The following AGBL4 variants were observed in gnomAD, a reference collection of about 807,000 sequenced individuals.
The protein encoded by AGBL4 is AGBL carboxypeptidase 4.
In AGBL4, 58 loss-of-function variants were observed where a neutral mutation model predicts 66.4. The ratio of observed to expected loss-of-function variants is 0.87; its 90% confidence interval spans 0.71 to 1.09. The LOEUF (loss-of-function observed/expected upper bound fraction) is 1.09, where lower values mean the gene tolerates loss of function less well. AGBL4 is among the 50% of genes least tolerant of loss of function. The pLI is 0.00. For synonymous variants in AGBL4, 234 were observed against 222.9 expected (o/e 1.05, Z -0.44); for missense variants, 579 against 631.0 (o/e 0.92, Z 0.88).
At chr1:49,661,142 C>T (rs1000049500) in intron 3 of AGBL4, among the ~76,000 whole-genome samples, 1 of 152,082 alleles carries the variant, frequency 6.6e-6, no homozygotes, top group African/African-American at 2.4e-5. Flanking sequence ...GAAATTGACA[C>T]TTCACCAAGA....
intron 3 of AGBL4, among the ~76,000 whole-genome samples, chr1:49,384,759 C>T (rs1358176573): frequency 4.6e-5 from 7 of 151,974 alleles, no homozygotes; most frequent in African/African-American, 1.2e-4. Context: ...TAAGTGTTGA[C>T]AAGAATGTGG....
At chr1:49,084,839 C>T (rs149754323) in intron 4 of AGBL4, among the ~76,000 whole-genome samples, 3 of 152,216 alleles carry the variant, frequency 2.0e-5, no homozygotes, top group Non-Finnish European at 4.4e-5. Flanking sequence ...TTGAGACAGC[C>T]ACACGCCTTG....
intron 6 of AGBL4, among the ~76,000 whole-genome samples, chr1:48,845,282 A>G (rs1365498826): frequency 6.6e-6 from 1 of 152,224 alleles, no homozygotes; most frequent in Non-Finnish European, 1.5e-5. Context: ...TAATCGGAAC[A>G]AGGTGACTTA....
At chr1:49,977,759 C>G (rs1395116572) in intron 1 of AGBL4, among the ~76,000 whole-genome samples, 2 of 152,176 alleles carry the variant, frequency 1.3e-5, no homozygotes, top group African/African-American at 4.8e-5. Context: ...AAACTTCAGC[C>G]TGTCTATCCA....
At chr1:49,797,779 CT>C (rs938932309) in intron 2 of AGBL4, among the ~76,000 whole-genome samples, 3 of 149,530 alleles carry the variant, frequency 2.0e-5, no homozygotes, top group African/African-American at 4.9e-5. Context: ...TTTTTCTTTT[CT>C]TTTTTTTTGA....
intron 3 of AGBL4, among the ~76,000 whole-genome samples, chr1:49,407,340 A>T (rs1270793860): frequency 6.6e-6 from 1 of 152,190 alleles, no homozygotes; most frequent in Non-Finnish European, 1.5e-5. Flanking sequence ...TGTGGCTTTC[A>T]TCTACACCAC....
intron 3 of AGBL4, among the ~76,000 whole-genome samples, chr1:49,435,888 AC>A (rs1389351209): frequency 3.3e-5 from 5 of 152,070 alleles, no homozygotes; most frequent in African/African-American, 1.2e-4. Context: ...TGAGATGTGA[AC>A]TCTATCTTGT....
intron 3 of AGBL4, among the ~76,000 whole-genome samples, chr1:49,530,059 A>G (rs1376738539): frequency 6.6e-6 from 1 of 151,854 alleles, no homozygotes. Context: ...TGAATGAATA[A>G]TAAAAGATTA....
In AGBL4 at chr1:49,452,343, A is replaced by G. The variant is rs189752998; in HGVS notation, c.283-206479T>C. Among the ~76,000 whole-genome samples, 713 of 152,020 alleles carry G rather than the reference A, an allele frequency of 4.7e-3. 5 individuals carry two copies. The highest frequency in any genetic ancestry group is 7.8e-3 in the Non-Finnish European group (532 of 67,936). On this transcript the variant is annotated intron_variant, in intron 3 of 13. Coordinates refer to ENST00000371839, the MANE Select transcript of AGBL4 (RefSeq NM_032785.4). ...CTAGAGTGAATTGGAAAATATTAAT[A>G]AGGATATCATACTGTGCTTAAAACT... is the stretch of plus-strand genomic sequence containing the variant.
chr1:49,132,337 T>C (rs947632522), intron 4 of AGBL4, among the ~76,000 whole-genome samples: 4 of 151,914 alleles, frequency 2.6e-5, no homozygotes, highest in Non-Finnish European at 5.9e-5. Context: ...AAAAGGAGCA[T>C]GTAGAAAGGA....
chr1:49,539,826 A>G (rs900689298), intron 3 of AGBL4, among the ~76,000 whole-genome samples: 16 of 152,232 alleles, frequency 1.1e-4, no homozygotes, highest in Non-Finnish European at 1.8e-4. Flanking sequence ...TGGAACCTGG[A>G]GAAATGGGCA....
At chr1:49,145,052 T>C (rs1646190838) in intron 4 of AGBL4, among the ~76,000 whole-genome samples, 1 of 152,084 alleles carries the variant, frequency 6.6e-6, no homozygotes, top group African/African-American at 2.4e-5. Context: ...GCATAAAATG[T>C]GTTCTAGGAA....
intron 3 of AGBL4, among the ~76,000 whole-genome samples, chr1:49,429,465 A>G (rs990897434): frequency 1.6e-4 from 24 of 152,326 alleles, no homozygotes; most frequent in African/African-American, 5.8e-4. Context: ...TTTCTATGCT[A>G]TAATATAAAT....
At chr1:49,357,010 C>A (rs1043905605) in intron 3 of AGBL4, among the ~76,000 whole-genome samples, 3 of 152,198 alleles carry the variant, frequency 2.0e-5, no homozygotes, top group African/African-American at 7.2e-5. Flanking sequence ...GTTGTAGAGA[C>A]TTTCCCTGAG....
At chr1:49,718,112 T>G (rs139452652) in intron 2 of AGBL4, among the ~76,000 whole-genome samples, 1 of 152,132 alleles carries the variant, frequency 6.6e-6, no homozygotes, top group Admixed American at 6.6e-5. Flanking sequence ...CCAAATCTCA[T>G]GTTGAAATGT....
At chr1:48,835,812 A>G (rs889650222) in intron 6 of AGBL4, among the ~76,000 whole-genome samples, 2 of 152,180 alleles carry the variant, frequency 1.3e-5, no homozygotes, top group African/African-American at 4.8e-5. Context: ...CACTGATCCC[A>G]GCAGAGGGAA....
chr1:48,838,453 A>G (rs1207142186), intron 6 of AGBL4, among the ~76,000 whole-genome samples: 1 of 152,184 alleles, frequency 6.6e-6, no homozygotes, highest in Non-Finnish European at 1.5e-5. Context: ...AAAGCTCTTT[A>G]GTAAATGTGC....
intron 4 of AGBL4, among the ~76,000 whole-genome samples, chr1:49,184,851 A>T (rs1646987098): frequency 6.6e-6 from 1 of 152,300 alleles, no homozygotes; most frequent in African/African-American, 2.4e-5. Context: ...TCCTCATATG[A>T]AAGATACGGA....
rs541352362 is a variant in AGBL4 at position 49,496,544 on chromosome 1, C to A, written c.282+200769G>T. Among the ~76,000 whole-genome samples the A allele has an allele frequency of 2.9e-4, 43 of 148,672 alleles. 1 individual carries two copies. The South Asian group carries it at 8.8e-3, about 30-fold the overall frequency. On this transcript the variant is annotated intron_variant, in intron 3 of 13. Transcript: ENST00000371839. The stretch of plus-strand genomic sequence containing the variant: ...CCACCCCACCCCACCCCACCCAAGC[C>A]CCTAGTAACCACTATACTAACCTTC...
Sources: gnomAD v4.1 joint callset for allele counts (sites outside exome capture counted in the v4.1 genomes callset) on GRCh38, gnomAD v4.1.1 for gene constraint, MANE v1.5 for transcripts, NCBI Gene and HGNC (gene_info 2026-07-23, HGNC 2026-07-21) for gene names.